PAK5: variants seen among roughly 807,000 people sequenced by gnomAD.
PAK5 encodes serine/threonine-protein kinase PAK 5.
A neutral mutation model predicts 65.9 loss-of-function variants in PAK5; 16 were observed. That is an observed-to-expected ratio of 0.24 (90% CI 0.16 to 0.37). The LOEUF (loss-of-function observed/expected upper bound fraction) is 0.37. Ranked by LOEUF, PAK5 falls within the 10% of genes least tolerant of loss-of-function variation. The pLI is 1.00. For missense variants in PAK5, 785 were observed against 903.9 expected, an observed-to-expected ratio of 0.87 and a Z score of 1.69; for synonymous variants, 371 against 354.9, an observed-to-expected ratio of 1.05 and a Z score of -0.51.
chr20:9,735,245 C>A (rs577406989), intron 1 of PAK5, among the ~76,000 whole-genome samples: 1 of 151,808 alleles, frequency 6.6e-6, no homozygotes, highest in African/African-American at 2.4e-5. Context: ...GTTTTCCAGA[C>A]GGAGTACCAG....
At chr20:9,614,177 C>G (rs140801818) in intron 3 of PAK5, among the ~76,000 whole-genome samples, 1 of 152,044 alleles carries the variant, frequency 6.6e-6, no homozygotes, top group African/African-American at 2.4e-5. Flanking sequence ...AAGAGAAATG[C>G]GAGAGATCAA....
chr20:9,663,774 A>T (rs1005709236), intron 2 of PAK5, among the ~76,000 whole-genome samples: 3 of 152,184 alleles, frequency 2.0e-5, no homozygotes, highest in African/African-American at 7.2e-5. Flanking sequence ...TTCCCTCAGT[A>T]GGAGAAGATG....
intron 1 of PAK5, among the ~76,000 whole-genome samples, chr20:9,766,666 T>C (rs937576893): frequency 6.6e-6 from 1 of 150,928 alleles, no homozygotes; most frequent in African/African-American, 2.4e-5. Flanking sequence ...AGACAGTACA[T>C]AGTGTGAAGT....
chr20:9,656,514 C>T (rs1182250875), intron 2 of PAK5, among the ~76,000 whole-genome samples: 2 of 152,140 alleles, frequency 1.3e-5, no homozygotes, highest in East Asian at 3.9e-4. Context: ...TATTAAGTAA[C>T]TACTTCTGTA....
chr20:9,597,834 C>A, intron 3 of PAK5, among the ~76,000 whole-genome samples: 1 of 152,192 alleles, frequency 6.6e-6, no homozygotes, highest in East Asian at 1.9e-4. Flanking sequence ...CCATGCTAGG[C>A]CAGCCAGCCT....
At chr20:9,780,803 T>C (rs1389765692) in intron 1 of PAK5, among the ~76,000 whole-genome samples, 1 of 152,282 alleles carries the variant, frequency 6.6e-6, no homozygotes, top group East Asian at 1.9e-4. Context: ...GAGATTTAAC[T>C]TGCTTTGAGT....
intron 3 of PAK5, among the ~76,000 whole-genome samples, chr20:9,605,053 T>C (rs1284053214): frequency 6.6e-6 from 1 of 152,140 alleles, no homozygotes; most frequent in Non-Finnish European, 1.5e-5. Context: ...CTGAAGAAAG[T>C]GCAATGAAAA....
intron 5 of PAK5, among the ~76,000 whole-genome samples, chr20:9,565,134 A>G (rs2045654086): frequency 6.6e-6 from 1 of 151,900 alleles, no homozygotes; most frequent in African/African-American, 2.4e-5. Context: ...ATACAGGTCA[A>G]TATATTTTAT....
At chr20:9,744,416 T>C (rs373512435) in intron 1 of PAK5, among the ~76,000 whole-genome samples, 7 of 152,220 alleles carry the variant, frequency 4.6e-5, no homozygotes, top group African/African-American at 1.7e-4. Flanking sequence ...GTGCTCCTAA[T>C]GTAAGAGCTA....
rs556361355 is a variant in PAK5, at chr20:9,838,833, T to C, written c.-233A>G. 6.6e-6 allele frequency: 1 copy of C among 151,528 alleles called. No homozygotes were observed. Among genetic ancestry groups the C allele is most frequent in the Non-Finnish European group, 1.5e-5 (1 of 67,844 alleles). The allele number at this position is 151,528 out of a possible 1,614,324, so 9.4% of individuals were successfully genotyped here. On this transcript the variant is annotated 5_prime_UTR_variant, in exon 1 of 10. An upstream start codon of the reference 5' UTR is lost. Coordinates refer to ENST00000353224, the MANE Select transcript of PAK5 (RefSeq NM_177990.4). The surrounding 1 kb of genome is among the most constrained non-coding windows in gnomAD (Gnocchi z 4.5). ...AGCTGCTACAGCGCTCCCAGCGCCA[T>C]GTTCCCGGTCTCCCCGGGCGCACGC... is the stretch of plus-strand genomic sequence containing the variant.
intron 3 of PAK5, among the ~76,000 whole-genome samples, chr20:9,625,245 T>C (rs1416749591): frequency 6.6e-6 from 1 of 152,198 alleles, no homozygotes; most frequent in Admixed American, 6.5e-5. Flanking sequence ...TTATATTTGA[T>C]AACTCCTTCA....
At position 9,636,915 on chromosome 20, in the gene PAK5, A is replaced by G. The variant is rs974956977; in HGVS notation, c.204+7210T>C. Among the ~76,000 whole-genome samples, 40 of 152,038 alleles carry G rather than the reference A, an allele frequency of 2.6e-4. 1 individual carries two copies. The highest frequency in any genetic ancestry group is 5.9e-5 in the Non-Finnish European group (4 of 68,004). ...GGTTCTCAAACTTTTTGTCTCAGGA[A>G]CCTCTTAAAATTATTGAGGACCTAA... On this transcript the variant is annotated intron_variant, in intron 3 of 9. Transcript: ENST00000353224.
chr20:9,631,928 T>C (rs956672181), intron 3 of PAK5, among the ~76,000 whole-genome samples: 1 of 152,140 alleles, frequency 6.6e-6, no homozygotes, highest in African/African-American at 2.4e-5. Flanking sequence ...AATTACACAA[T>C]AAAACACTAA....
At chr20:9,728,388 G>A (rs934982176) in intron 1 of PAK5, among the ~76,000 whole-genome samples, 13 of 152,120 alleles carry the variant, frequency 8.5e-5, no homozygotes, top group Non-Finnish European at 1.5e-4. Flanking sequence ...GTTTGCTACT[G>A]GGGTGTCATT....
intron 1 of PAK5, among the ~76,000 whole-genome samples, chr20:9,817,628 C>G (rs573822960): frequency 6.6e-6 from 1 of 152,112 alleles, no homozygotes; most frequent in African/African-American, 2.4e-5. Flanking sequence ...GGAGTGATGA[C>G]AACCCACAGC....
intron 1 of PAK5, among the ~76,000 whole-genome samples, chr20:9,762,127 A>C (rs1001919953): frequency 6.6e-6 from 1 of 152,200 alleles, no homozygotes; most frequent in African/African-American, 2.4e-5. Context: ...AATGGATTAA[A>C]GACTTAAATG....
At chr20:9,674,997 G>GA in intron 2 of PAK5, among the ~76,000 whole-genome samples, 1 of 152,256 alleles carries the variant, frequency 6.6e-6, no homozygotes, top group East Asian at 1.9e-4. Flanking sequence ...CAAGGAGGGG[G>GA]AACTGGGGAT....
At chr20:9,783,225 C>T (rs867138698) in intron 1 of PAK5, among the ~76,000 whole-genome samples, 5 of 152,070 alleles carry the variant, frequency 3.3e-5, no homozygotes, top group Admixed American at 1.3e-4. Flanking sequence ...AGTGAGCCAC[C>T]GCACCCAGCC....
At chr20:9,749,944 T>C (rs2048555590) in intron 1 of PAK5, among the ~76,000 whole-genome samples, 1 of 152,182 alleles carries the variant, frequency 6.6e-6, no homozygotes, top group African/African-American at 2.4e-5. Context: ...GTCACTGCCT[T>C]ACGTTATCAG....
Sources: gnomAD v4.1 joint callset for allele counts (sites outside exome capture counted in the v4.1 genomes callset) on GRCh38, gnomAD v4.1.1 for gene constraint, Gnocchi (gnomAD v3.1) non-coding constraint, MANE v1.5 for transcripts, NCBI Gene and HGNC (gene_info 2026-07-23, HGNC 2026-07-21) for gene names.